CAD: variants seen among roughly 807,000 people sequenced by gnomAD.
CAD encodes multifunctional protein CAD.
Under a neutral mutation model 237.2 loss-of-function variants are expected in CAD, and 81 were observed. The observed-to-expected ratio is 0.34, with a 90% confidence interval of 0.29 to 0.41. The LOEUF is 0.41. Among genes scored for constraint, CAD ranks in the 10% least tolerant of loss-of-function variants. The pLI is 1.00. For missense variants in CAD, 2,181 were observed against 2,951.7 expected (o/e 0.74, Z 6.05); for synonymous variants, 1,196 against 1,162.8 (o/e 1.03, Z -0.58).
Position 27,239,882 on chromosome 2 carries a change from A to G in CAD, c.5496+84A>G. The G allele has an allele frequency of 9.8e-7, 1 of 1,020,644 alleles. No individual in the cohort carries two copies. The highest frequency in any genetic ancestry group is 1.4e-6 in the Non-Finnish European group (1 of 702,492). The allele number at this position is 1,020,644 out of a possible 1,614,324, so 63.2% of individuals were successfully genotyped here. On this transcript the variant is annotated intron_variant, in intron 34 of 43. Transcript: ENST00000264705. This position sits in a 1 kb window ranked among gnomAD's most constrained non-coding sequence, Gnocchi z 4.0. ...GCTTGAACATTTTCATTGGTGGTTC[A>G]GGAACAATTGGGGTTTTCTTGAGGG...
rs1400252452 is a variant in CAD, at chr2:27,242,161, G to T, written c.6096+38G>T. The stretch of plus-strand genomic sequence containing the variant: ...TGGGTACTGAGATGGGGTTAAGAAG[G>T]CTGGACCCAGGGGCATGAGAACCCT... On this transcript the variant is annotated intron_variant, in intron 39 of 43. Transcript: ENST00000264705. This position sits in a 1 kb window ranked among gnomAD's most constrained non-coding sequence, Gnocchi z 6.4. 6.2e-7 allele frequency: 1 copy of T among 1,604,046 alleles called. No homozygotes were observed. The highest frequency in any genetic ancestry group is 8.5e-7 in the Non-Finnish European group (1 of 1,173,772).
chr2:27,222,277 T>C lies in CAD; in HGVS notation c.436T>C (p.Ser146Pro). ...GCTGGTCCAGAATGGAACAGAACCT[T>C]CATCCCTGCCATTCTTGGACCCCAA... ...GKLVQNGTEP[S>P]SLPFLDPNAR... The change falls in exon 4 of 44, where the codon TCA becomes CCA. Residue 146 changes from serine to proline, a missense_variant. Physicochemically the swap from Ser to Pro is moderately conservative, Grantham distance 74. Around this residue, in one of 12 missense-constraint regions of CAD, gnomAD observed 314 missense variants for 339.4 expected, o/e 0.93. Coordinates refer to ENST00000264705, the MANE Select transcript of CAD (RefSeq NM_004341.5). 1.9e-6 allele frequency: 3 copies of C among 1,613,948 alleles called. No homozygotes were observed. Among genetic ancestry groups the C allele is most frequent in the Non-Finnish European group, 2.5e-6 (3 of 1,179,894 alleles).
In CAD at chr2:27,236,791, G is replaced by A. The variant is rs753252592; in HGVS notation, c.4357G>A (p.Val1453Ile). 2 of 1,614,168 alleles carry A rather than the reference G, an allele frequency of 1.2e-6. No homozygotes were observed. The highest frequency in any genetic ancestry group is 2.2e-5 in the South Asian group (2 of 91,090). The change falls in exon 27 of 44, where the codon GTT becomes ATT. Residue 1453 changes from valine to isoleucine, a missense_variant. Val to Ile is a conservative substitution (Grantham distance 29, BLOSUM62 3). Around this residue, in one of 12 missense-constraint regions of CAD, gnomAD observed 306 missense variants for 607.9 expected, o/e 0.50. Coordinates refer to ENST00000264705, the MANE Select transcript of CAD (RefSeq NM_004341.5). This position sits in a 1 kb window ranked among gnomAD's most constrained non-coding sequence, Gnocchi z 4.1. The part of the protein sequence containing the change: ...IGPAPPLKVH[V>I]DCMTSQKLVR... ...GCCAGCCCCTCCTTTGAAGGTGCATGTTGACTGTATGACCTCCCAAAAGCT... is the reference window on the plus strand; with the variant it reads ...GCCAGCCCCTCCTTTGAAGGTGCATATTGACTGTATGACCTCCCAAAAGCT...
rs1409038738 is a variant in CAD at position 27,243,519 on chromosome 2, G to A, written c.*1G>A. The A allele has an allele frequency of 1.3e-6, 2 of 1,584,316 alleles. No individual in the cohort carries two copies. Among genetic ancestry groups the A allele is most frequent in the Non-Finnish European group, 1.7e-6 (2 of 1,165,676 alleles). On this transcript the variant is annotated 3_prime_UTR_variant, in exon 44 of 44. Transcript: ENST00000264705. ...AGCCACCGTGCTGGGCCGTTTCTAG[G>A]GCCTGGCTTCCTCAGCCTCTTCTCT...
chr2:27,222,987 G>A lies in CAD; in HGVS notation c.759G>A (p.Leu253=). Residue 253 remains leucine, a synonymous_variant, in exon 6 of 44, where the codon CTG becomes CTA. Coordinates refer to ENST00000264705, the MANE Select transcript of CAD (RefSeq NM_004341.5). ...CCCGACCTGTCTTTGGGATCTGCCT[G>A]GGACACCAGCTATTGGCCTTAGCCA... ...PNPRPVFGIC[L]GHQLLALAIG... 2 of 1,614,178 alleles carry A rather than the reference G, an allele frequency of 1.2e-6. No homozygotes were observed. The highest frequency in any genetic ancestry group is 1.7e-6 in the Non-Finnish European group (2 of 1,180,020).
intron 14 of CAD, 64 bp from the exon 15 acceptor site, chr2:27,226,768 T>C: frequency 1.2e-6 from 2 of 1,605,272 alleles, no homozygotes; most frequent in South Asian, 1.1e-5. Context: ...GAAAGAGCTA[T>C]CCGGAAGCTC....
At chr2:27,231,870 C>G in intron 16 of CAD, 110 bp from the exon 17 acceptor site, 1 of 1,335,536 alleles carries the variant, frequency 7.5e-7, no homozygotes. Flanking sequence ...AGTTACACAG[C>G]CTGTGCTCTG....
intron 11 of CAD, 90 bp downstream of exon 11, chr2:27,225,333 T>A: frequency 1.3e-6 from 1 of 745,574 alleles, no homozygotes. Flanking sequence ...TGAGACGGAG[T>A]TTCGCTCTTG....
chr2:27,234,347 G>A (rs1675902658), intron 22 of CAD, 121 bp downstream of exon 22: 3 of 1,165,808 alleles, frequency 2.6e-6, no homozygotes, highest in Non-Finnish European at 3.8e-6. Context: ...GAAGCTGGAG[G>A]GAAAGGGCTG....
At chr2:27,238,701 G>C in intron 31 of CAD, 69 bp downstream of exon 31, 11 of 1,442,126 alleles carry the variant, frequency 7.6e-6, no homozygotes, top group Non-Finnish European at 9.5e-6. Context: ...AAGAAAATGG[G>C]AAGCAGGCCA....
rs1004171793 is a variant in CAD, at chr2:27,240,911, C to T, written c.5594C>T (p.Ala1865Val). The change falls in exon 36 of 44, where the codon GCT becomes GTT. Residue 1865 changes from alanine (A) to valine (V), a missense_variant and splice_region_variant. Around this residue, in one of 12 missense-constraint regions of CAD, gnomAD observed 203 missense variants for 284.5 expected, o/e 0.71. Coordinates refer to ENST00000264705, the MANE Select transcript of CAD (RefSeq NM_004341.5). This position sits in a 1 kb window ranked among gnomAD's most constrained non-coding sequence, Gnocchi z 4.6. ...ATCTGTCCTCTTGTCCTGTTTGCAG[C>T]TGAGGAGCCAAAGGAGAAGTCCTCT... The part of the protein sequence containing the change: ...IHRASDPGLP[A>V]EEPKEKSSRK... The T allele has an allele frequency of 1.2e-6, 2 of 1,613,990 alleles. No individual in the cohort carries two copies. Among genetic ancestry groups the T allele is most frequent in the African/African-American group, 2.7e-5 (2 of 74,928 alleles).
At position 27,233,910 on chromosome 2, in the gene CAD, C is replaced by A; in HGVS notation, c.3400-98C>A. 1 of 1,547,244 alleles carries A rather than the reference C, an allele frequency of 6.5e-7. No homozygotes were observed. Among genetic ancestry groups the A allele is most frequent in the Non-Finnish European group, 8.9e-7 (1 of 1,126,028 alleles). On this transcript the variant is annotated intron_variant, in intron 21 of 43. Coordinates refer to ENST00000264705, the MANE Select transcript of CAD (RefSeq NM_004341.5). The surrounding 1 kb of genome is among the most constrained non-coding windows in gnomAD (Gnocchi z 6.3). ...GAATCATAGGCACCAGGGCTGGGAACAGTGGGCTATGTGGGGCTCGTTAAA... is the reference window on the plus strand; with the variant it reads ...GAATCATAGGCACCAGGGCTGGGAAAAGTGGGCTATGTGGGGCTCGTTAAA...
chr2:27,230,200 T>C (rs1014092441), intron 15 of CAD, among the ~76,000 whole-genome samples: 5 of 152,228 alleles, frequency 3.3e-5, no homozygotes, highest in South Asian at 2.1e-4. Flanking sequence ...ATCATGCCAT[T>C]GCAGTCCAGC....
rs1675030131 is a variant in CAD, at chr2:27,219,227, C to T, written c.222+1211C>T. On this transcript the variant is annotated intron_variant, in intron 2 of 43. Coordinates refer to ENST00000264705, the MANE Select transcript of CAD (RefSeq NM_004341.5). ...CCTGGACAGTCTCAGAATGCAGGTT[C>T]CTTAAACTGTTCATCACCCAGCTGA... Among the ~76,000 whole-genome samples, 2 of 152,212 alleles carry T rather than the reference C, an allele frequency of 1.3e-5. 1 individual carries two copies. Among genetic ancestry groups the T allele is most frequent in the Admixed American group, 1.3e-4 (2 of 15,290 alleles).
chr2:27,234,751 G>C (rs1675919799), intron 23 of CAD, 66 bp downstream of exon 23: 6 of 1,477,432 alleles, frequency 4.1e-6, no homozygotes, highest in Non-Finnish European at 4.6e-6. Context: ...TCACCACACA[G>C]AGTTGTCAGT....
chr2:27,233,075 C>T lies in CAD; in HGVS notation c.2926C>T (p.Pro976Ser), dbSNP rs1480234717. ...GYKTIMVNYN[P>S]ETVSTDYDMC... ...TAAGACCATCATGGTGAACTATAAC[C>T]CAGAGACAGTCAGCACCGACTATGA... Residue 976 changes from proline to serine, a missense_variant, in exon 19 of 44, where the codon CCA becomes TCA. By Grantham distance (74) the Pro-to-Ser change is moderately conservative. Transcript: ENST00000264705. The surrounding 1 kb of genome is among the most constrained non-coding windows in gnomAD (Gnocchi z 6.3). 1 of 1,613,520 alleles carries T rather than the reference C, an allele frequency of 6.2e-7. No individual in the cohort carries two copies. Among genetic ancestry groups the T allele is most frequent in the Non-Finnish European group, 8.5e-7 (1 of 1,179,436 alleles).
chr2:27,243,231 A>G lies in CAD; in HGVS notation c.6514A>G (p.Met2172Val). The stretch of plus-strand genomic sequence containing the variant: ...TCAGTTCATCCTCACTCCCCACATC[A>G]TGACCCGGGCCAAGAAGAAGATGGT... ...FGQFILTPHI[M>V]TRAKKKMVVM... Residue 2172 changes from methionine (M) to valine (V), a missense_variant, in exon 43 of 44, where the codon ATG (methionine) becomes GTG (valine). Coordinates refer to ENST00000264705, the MANE Select transcript of CAD (RefSeq NM_004341.5). 6.2e-7 allele frequency: 1 copy of G among 1,613,830 alleles called. No individual in the cohort carries two copies. The highest frequency in any genetic ancestry group is 8.5e-7 in the Non-Finnish European group (1 of 1,179,964).
chr2:27,229,848 C>G (rs923319865), intron 15 of CAD, among the ~76,000 whole-genome samples: 2 of 146,406 alleles, frequency 1.4e-5, no homozygotes, highest in African/African-American at 5.1e-5. Context: ...TGACTCCAGC[C>G]TGGGCAACAC....
chr2:27,232,971 G>A lies in CAD; in HGVS notation c.2893-71G>A. On this transcript the variant is annotated intron_variant, in intron 18 of 43. Transcript: ENST00000264705. The surrounding 1 kb of genome is among the most constrained non-coding windows in gnomAD (Gnocchi z 4.1). The stretch of plus-strand genomic sequence containing the variant: ...TCTCTGAAGTAGGGGCTTTGGCTTA[G>A]TTTCTCCACGATTTTCTCCACGATT... 9.3e-7 allele frequency: 1 copy of A among 1,079,410 alleles called. No homozygotes were observed. The highest frequency in any genetic ancestry group is 1.3e-5 in the South Asian group (1 of 78,880). 66.9% of individuals were successfully genotyped at this position (1,079,410 alleles called of 1,614,324 possible). A position where few individuals can be genotyped will look rare whatever the true frequency, so the allele number is the denominator to read the frequency against.
Sources: gnomAD v4.1 joint callset for allele counts (sites outside exome capture counted in the v4.1 genomes callset) on GRCh38, gnomAD v4.1.1 for gene constraint, gnomAD v4.1.1 regional missense constraint, Gnocchi (gnomAD v3.1) non-coding constraint, MANE v1.5 for transcripts, NCBI Gene and HGNC (gene_info 2026-07-23, HGNC 2026-07-21) for gene names.